Variants in CNTN4 observed in about 807,000 individuals in gnomAD.
The protein encoded by CNTN4 is contactin 4.
A neutral mutation model predicts 122.5 loss-of-function variants in CNTN4; 77 were observed. The observed-to-expected ratio is 0.63, with a 90% CI of 0.52 to 0.76. The LOEUF (loss-of-function observed/expected upper bound fraction) is 0.76, where lower values mean the gene tolerates loss of function less well. Among genes scored for constraint, CNTN4 ranks in the 30% least tolerant of loss-of-function variants. CNTN4 has a pLI of 0.00. For missense variants in CNTN4, 1,256 were observed against 1,259.1 expected (o/e 1.00, Z 0.04); for synonymous variants, 512 against 447.0 (o/e 1.15, Z -1.83).
At chr3:2,705,744 ATG>A (rs2086658391) in intron 4 of CNTN4, among the ~76,000 whole-genome samples, 1 of 101,244 alleles carries the variant, frequency 9.9e-6, no homozygotes, top group African/African-American at 4.1e-5. Context: ...TATGATATAT[ATG>A]ATATATAATA....
chr3:2,205,169 A>G (rs746958582), intron 2 of CNTN4, among the ~76,000 whole-genome samples: 28 of 151,376 alleles, frequency 1.8e-4, no homozygotes, highest in Non-Finnish European at 3.7e-4. Flanking sequence ...TTTTTAGCTT[A>G]CTCATCATAC....
Position 2,582,052 on chromosome 3 carries a change from T to C in CNTN4, c.55+10494T>C, listed in dbSNP as rs75339295. ...TGATGTCTTTTTAGGCTGATGAAAA[T>C]ATTCTGGCATTAGAAAGCGGTGATG... On this transcript the variant is annotated intron_variant, in intron 4 of 24. Transcript: ENST00000418658. Among the ~76,000 whole-genome samples, 121 of 152,270 alleles carry C rather than the reference T, an allele frequency of 7.9e-4. 2 individuals are homozygous for C. The East Asian group carries it at 0.023, about 28-fold the overall frequency.
chr3:2,720,697 C>T (rs922612251), intron 4 of CNTN4, among the ~76,000 whole-genome samples: 2 of 152,194 alleles, frequency 1.3e-5, no homozygotes, highest in Admixed American at 6.5e-5. Flanking sequence ...AACACTTCCC[C>T]TCCCCCAGCA....
chr3:2,956,498 A>T (rs991154676), intron 13 of CNTN4, among the ~76,000 whole-genome samples: 1 of 152,182 alleles, frequency 6.6e-6, no homozygotes, highest in Non-Finnish European at 1.5e-5. Context: ...AAATAGGCAA[A>T]GACAAAAATC....
chr3:3,030,969 G>C lies in CNTN4; in HGVS notation c.1777G>C (p.Val593Leu). Reference protein sequence around the residue: ...DRLSAAADLIVRGPPGPPEAV... With the variant: ...DRLSAAADLILRGPPGPPEAV... ...GCTATCTGCTGCTGCAGACCTGATT[G>C]TAAGAGGTACTGGATTTTGTTGTTA... The change falls in exon 16 of 25, where the codon GTA becomes CTA. Residue 593 changes from valine (V) to leucine (L), a missense_variant. By Grantham distance (32) the Val-to-Leu change is conservative. Transcript: ENST00000418658. 1 of 1,614,064 alleles carries C rather than the reference G, an allele frequency of 6.2e-7. No individual in the cohort carries two copies. Among genetic ancestry groups the C allele is most frequent in the Non-Finnish European group, 8.5e-7 (1 of 1,179,930 alleles).
At chr3:2,664,122 A>C (rs1395370771) in intron 4 of CNTN4, among the ~76,000 whole-genome samples, 1 of 152,198 alleles carries the variant, frequency 6.6e-6, no homozygotes, top group African/African-American at 2.4e-5. Flanking sequence ...AATGTACTTA[A>C]AACTATTGAA....
At chr3:2,166,752 A>G (rs2036210512) in intron 2 of CNTN4, among the ~76,000 whole-genome samples, 1 of 152,120 alleles carries the variant, frequency 6.6e-6, no homozygotes, top group Non-Finnish European at 1.5e-5. Context: ...TTGTTCCTGA[A>G]GGGGGAGCTC....
intron 3 of CNTN4, among the ~76,000 whole-genome samples, chr3:2,344,005 C>A (rs1450847549): frequency 6.6e-6 from 1 of 152,086 alleles, no homozygotes; most frequent in Admixed American, 6.5e-5. Context: ...AAACAAACAG[C>A]TCTTGCATGA....
intron 6 of CNTN4, among the ~76,000 whole-genome samples, chr3:2,749,910 T>C (rs1254475778): frequency 2.0e-5 from 3 of 152,356 alleles, no homozygotes; most frequent in Non-Finnish European, 4.4e-5. Context: ...TGACATCTTT[T>C]GAATGTTACT....
At chr3:2,553,719 T>A (rs1252731485) in intron 3 of CNTN4, among the ~76,000 whole-genome samples, 1 of 152,170 alleles carries the variant, frequency 6.6e-6, no homozygotes, top group Non-Finnish European at 1.5e-5. Flanking sequence ...AAACTAACTT[T>A]GCTGAATTAT....
chr3:2,531,784 A>G (rs2077606946), intron 3 of CNTN4, among the ~76,000 whole-genome samples: 1 of 152,166 alleles, frequency 6.6e-6, no homozygotes, highest in Non-Finnish European at 1.5e-5. Context: ...TGCTCTTGAG[A>G]GGCTAATGCA....
At chr3:2,213,980 G>A (rs1153532) in intron 2 of CNTN4, among the ~76,000 whole-genome samples, 102,062 of 152,016 alleles carry the variant, frequency 0.67, 34,479 homozygotes, top group Non-Finnish European at 0.7. Flanking sequence ...GGCTTATTTC[G>A]TACTGTGATT....
intron 7 of CNTN4, among the ~76,000 whole-genome samples, chr3:2,854,095 C>T (rs187932149): frequency 1.7e-3 from 258 of 152,130 alleles, no homozygotes; most frequent in African/African-American, 3.7e-3. Context: ...TTTAAAGGTC[C>T]AAATAAAAGA....
intron 8 of CNTN4, among the ~76,000 whole-genome samples, chr3:2,872,834 T>G (rs1187908555): frequency 6.6e-6 from 1 of 152,304 alleles, no homozygotes; most frequent in Non-Finnish European, 1.5e-5. Context: ...TCTAAATGTT[T>G]ATTATACTTC....
At chr3:2,776,172 C>T (rs552164139) in intron 6 of CNTN4, among the ~76,000 whole-genome samples, 19 of 152,014 alleles carry the variant, frequency 1.2e-4, no homozygotes, top group African/African-American at 4.3e-4. Context: ...TTTGAGGGCC[C>T]CTCTTATATT....
intron 3 of CNTN4, among the ~76,000 whole-genome samples, chr3:2,456,045 A>G (rs1161916904): frequency 6.6e-6 from 1 of 152,084 alleles, no homozygotes; most frequent in East Asian, 1.9e-4. Flanking sequence ...TCACATAGGC[A>G]TTTATAATCT....
chr3:2,463,190 C>G (rs1329187249), intron 3 of CNTN4, among the ~76,000 whole-genome samples: 1 of 150,772 alleles, frequency 6.6e-6, no homozygotes, highest in African/African-American at 2.4e-5. Context: ...AGGCTGTTAT[C>G]TACTAAATGG....
chr3:2,315,546 T>C (rs2043068450), intron 2 of CNTN4, among the ~76,000 whole-genome samples: 1 of 152,102 alleles, frequency 6.6e-6, no homozygotes, highest in South Asian at 2.1e-4. Context: ...TGCTTTTTTC[T>C]ATTTTTTTCC....
intron 3 of CNTN4, among the ~76,000 whole-genome samples, chr3:2,387,837 AAGAC>A (rs1458962592): frequency 6.6e-6 from 1 of 152,184 alleles, no homozygotes; most frequent in Non-Finnish European, 1.5e-5. Context: ...GTATCATTAG[AAGAC>A]AGAAAACAAA....
Sources: allele counts gnomAD v4.1 joint callset (sites outside exome capture counted in the v4.1 genomes callset), GRCh38; gene constraint gnomAD v4.1.1; transcripts MANE v1.5; gene names NCBI Gene and HGNC (gene_info 2026-07-23, HGNC 2026-07-21).